The following XYLB variants were observed in gnomAD, a reference collection of about 807,000 sequenced individuals.
XYLB encodes the protein xylulokinase.
XYLB carries 62 observed loss-of-function variants against 78.7 expected under a neutral mutation model. That is an observed-to-expected ratio of 0.79 (90% CI 0.64 to 0.97). XYLB has a LOEUF of 0.97. XYLB is among the 50% of genes least tolerant of loss of function. The pLI, the probability that XYLB is intolerant of heterozygous loss-of-function variation, is 0.00. For missense variants in XYLB, 687 were observed against 676.8 expected, an observed-to-expected ratio of 1.02 and a Z score of -0.17; for synonymous variants, 245 against 247.4, an observed-to-expected ratio of 0.99 and a Z score of 0.09.
chr3:38,348,019 C>T (rs896710452), intron 1 of XYLB, among the ~76,000 whole-genome samples: 1 of 152,240 alleles, frequency 6.6e-6, no homozygotes, highest in South Asian at 2.1e-4. Flanking sequence ...CTTGCTGGAC[C>T]TCAGTTTTCC....
intron 14 of XYLB, 66 bp from the exon 15 acceptor site, chr3:38,379,180 C>A: frequency 6.7e-7 from 1 of 1,495,044 alleles, no homozygotes; most frequent in Non-Finnish European, 9.3e-7. Context: ...CACACAGACA[C>A]ACACATACAC....
At chr3:38,379,785 A>G (rs1707059546) in intron 15 of XYLB, among the ~76,000 whole-genome samples, 1 of 152,178 alleles carries the variant, frequency 6.6e-6, no homozygotes, top group Non-Finnish European at 1.5e-5. Context: ...GACAGGGAAG[A>G]GGGGGATGTA....
the XYLB span, among the ~76,000 whole-genome samples, chr3:38,427,649 A>G: frequency 6.6e-6 from 1 of 151,914 alleles, no homozygotes; most frequent in Non-Finnish European, 1.5e-5. Context: ...GTTGGAGTGC[A>G]GTGGCATGGT....
At chr3:38,440,616 G>A in the XYLB span, among the ~76,000 whole-genome samples, 1 of 152,184 alleles carries the variant, frequency 6.6e-6, no homozygotes, top group Admixed American at 6.5e-5. Context: ...AAGGATTTTT[G>A]ATAAGAAGGC....
At chr3:38,427,189 C>G in the XYLB span, among the ~76,000 whole-genome samples, 1 of 152,152 alleles carries the variant, frequency 6.6e-6, no homozygotes, top group Non-Finnish European at 1.5e-5. Context: ...ATACTGTATT[C>G]CTGTGTCTTT....
At chr3:38,444,830 C>A in the XYLB span, among the ~76,000 whole-genome samples, 2 of 151,678 alleles carry the variant, frequency 1.3e-5, no homozygotes, top group Admixed American at 1.3e-4. Flanking sequence ...CAAGAATCTG[C>A]AATGGTCCCT....
In XYLB at chr3:38,362,996, A is replaced by G; in HGVS notation, c.270A>G (p.Leu90=). 1 of 1,571,090 alleles carries G rather than the reference A, an allele frequency of 6.4e-7. No homozygotes were observed. The highest frequency in any genetic ancestry group is 1.2e-5 in the South Asian group (1 of 85,160). Residue 90 remains leucine, a synonymous_variant, in exon 4 of 19, where the codon CTA becomes CTG. Transcript: ENST00000207870. ...KASGFDFSQV[L]ALSGAGQQHG... ...CGGGCTTCGACTTCTCTCAAGTCCT[A>G]GCCTTGTCCGGGGCGGGCCAGGTTC...
At chr3:38,411,265 TA>T (rs1176286239) in intron 18 of XYLB, among the ~76,000 whole-genome samples, 2 of 152,000 alleles carry the variant, frequency 1.3e-5, no homozygotes, top group East Asian at 1.9e-4. Flanking sequence ...TCATTCTCTG[TA>T]AACTATCGCA....
intron 18 of XYLB, among the ~76,000 whole-genome samples, chr3:38,406,820 G>A (rs1465572908): frequency 6.6e-6 from 1 of 152,106 alleles, no homozygotes; most frequent in Non-Finnish European, 1.5e-5. Flanking sequence ...AAGTGAGAAG[G>A]GAAGTTTAGA....
chr3:38,385,093 C>T (rs766222697), intron 15 of XYLB, among the ~76,000 whole-genome samples: 8 of 152,126 alleles, frequency 5.3e-5, no homozygotes, highest in East Asian at 1.9e-4. Context: ...CTTCGCCTCC[C>T]GGGTTCAAGC....
intron 18 of XYLB, among the ~76,000 whole-genome samples, chr3:38,409,066 G>A (rs547000893): frequency 8.5e-5 from 13 of 152,176 alleles, no homozygotes; most frequent in Admixed American, 2.6e-4. Flanking sequence ...TACCAAAGCC[G>A]GGCAGAGACA....
intron 9 of XYLB, chr3:38,372,364 G>T (rs1336556585): frequency 1.0e-6 from 1 of 984,710 alleles, no homozygotes; most frequent in Non-Finnish European, 1.2e-6. Context: ...GCAAGCACAA[G>T]TTAGGGGTTG....
chr3:38,385,861 A>G (rs1707363218), intron 15 of XYLB, among the ~76,000 whole-genome samples: 1 of 152,184 alleles, frequency 6.6e-6, no homozygotes, highest in Non-Finnish European at 1.5e-5. Flanking sequence ...TGCTGTTCCC[A>G]GCCCCTTTCA....
At chr3:38,409,143 T>C (rs1381063253) in intron 18 of XYLB, among the ~76,000 whole-genome samples, 1 of 152,214 alleles carries the variant, frequency 6.6e-6, no homozygotes, top group African/African-American at 2.4e-5. Flanking sequence ...CTCAATAAAA[T>C]ACTGGCAAAC....
the XYLB span, among the ~76,000 whole-genome samples, chr3:38,440,481 C>T: frequency 6.6e-6 from 1 of 152,190 alleles, no homozygotes; most frequent in African/African-American, 2.4e-5. Flanking sequence ...GTGTCTTTTT[C>T]CCTTAATAGC....
chr3:38,362,617 G>T (rs1421310352), intron 3 of XYLB, among the ~76,000 whole-genome samples: 1 of 152,054 alleles, frequency 6.6e-6, no homozygotes, highest in Non-Finnish European at 1.5e-5. Context: ...AGCTGAGATT[G>T]CGCCACTCCA....
the XYLB span, among the ~76,000 whole-genome samples, chr3:38,428,416 T>G: frequency 6.6e-6 from 1 of 152,258 alleles, no homozygotes; most frequent in Non-Finnish European, 1.5e-5. Flanking sequence ...GAGAGAGAAG[T>G]AGTAAAATCT....
chr3:38,375,176 C>T lies in XYLB; in HGVS notation c.921C>T (p.Leu307=). The T allele has an allele frequency of 6.2e-7, 1 of 1,614,164 alleles. No individual in the cohort carries two copies. Among genetic ancestry groups the T allele is most frequent in the Non-Finnish European group, 8.5e-7 (1 of 1,180,010 alleles). ...VSLGTSDTLF[L]WLQEPMPALE... ...TGGGCACCAGTGACACCCTGTTTCT[C>T]TGGCTCCAAGAGCCCATGCCTGCCC... Residue 307 remains leucine (L), a synonymous_variant, in exon 12 of 19, where the codon CTC becomes CTT. Transcript: ENST00000207870.
chr3:38,423,578 G>T (rs1709043445), downstream of XYLB, among the ~76,000 whole-genome samples: 1 of 152,200 alleles, frequency 6.6e-6, no homozygotes, highest in African/African-American at 2.4e-5. Context: ...TGAATGGTTT[G>T]CATTTACAAT....
Sources: allele counts gnomAD v4.1 joint callset (sites outside exome capture counted in the v4.1 genomes callset), GRCh38; gene constraint gnomAD v4.1.1; transcripts MANE v1.5; gene names NCBI Gene and HGNC (gene_info 2026-07-23, HGNC 2026-07-21).